P4HA3: variants seen among roughly 807,000 people sequenced by gnomAD.
P4HA3 encodes prolyl 4-hydroxylase subunit alpha-3.
A neutral mutation model predicts 66.7 loss-of-function variants in P4HA3; 60 were observed. That is an observed-to-expected ratio of 0.90 (90% CI 0.73 to 1.12). The LOEUF is 1.12. Ranked by LOEUF, P4HA3 falls within the 50% of genes most tolerant of loss-of-function variation. The pLI is 0.00. For missense variants in P4HA3, 683 were observed against 685.8 expected (o/e 1.00, Z 0.05); for synonymous variants, 263 against 274.6 (o/e 0.96, Z 0.42).
chr11:74,304,274 G>T lies in P4HA3; in HGVS notation c.339C>A (p.Ile113=). Residue 113 remains isoleucine (I), a synonymous_variant, in exon 2 of 13, where the codon ATC becomes ATA. Transcript: ENST00000331597. ...VVHSLEASEN[I]RALKDGYEKV... Reference sequence around the variant, plus strand: ...TCCAGCCCTCCTCCTCATTACCTCGGATGTTCTCACTGGCCTCCAGACTAT... The same window carrying T: ...TCCAGCCCTCCTCCTCATTACCTCGTATGTTCTCACTGGCCTCCAGACTAT... 1.2e-6 allele frequency: 2 copies of T among 1,613,562 alleles called. No individual in the cohort carries two copies. The highest frequency in any genetic ancestry group is 1.7e-6 in the Non-Finnish European group (2 of 1,179,750).
chr11:74,277,262 G>A, intron 8 of P4HA3, 118 bp from the exon 9 acceptor site: 3 of 1,317,268 alleles, frequency 2.3e-6, no homozygotes, highest in East Asian at 2.4e-5. Flanking sequence ...AAGGATGGAA[G>A]GAAGGAGGAA....
Position 74,311,494 on chromosome 11 carries a change from C to A in P4HA3, c.118G>T (p.Ala40Ser). The change falls in exon 1 of 13, where the codon GCC becomes TCC. Residue 40 changes from alanine to serine, a missense_variant. Transcript: ENST00000331597. ...AGCAGCCGGCGCTCGGGCGCCAGGG[C>A]GCGCGCCACGCTGGTCAGCGCCGAG... ...TFSALTSVAR[A>S]LAPERRLLGL... 6.5e-7 allele frequency: 1 copy of A among 1,533,996 alleles called. No individual in the cohort carries two copies. Among genetic ancestry groups the A allele is most frequent in the South Asian group, 1.2e-5 (1 of 83,456 alleles).
chr11:74,310,888 C>G (rs1474532664), intron 1 of P4HA3, among the ~76,000 whole-genome samples: 1 of 152,188 alleles, frequency 6.6e-6, no homozygotes, highest in Non-Finnish European at 1.5e-5. Flanking sequence ...TTCACGATCC[C>G]CCCTTGAAAG....
chr11:74,306,932 G>A (rs970640547), intron 1 of P4HA3, among the ~76,000 whole-genome samples: 1 of 152,170 alleles, frequency 6.6e-6, no homozygotes, highest in African/African-American at 2.4e-5. Flanking sequence ...AGCCTCCAGG[G>A]TGTGGGATCT....
intron 1 of P4HA3, among the ~76,000 whole-genome samples, chr11:74,307,700 G>T (rs1423570993): frequency 6.6e-6 from 1 of 152,178 alleles, no homozygotes; most frequent in Non-Finnish European, 1.5e-5. Flanking sequence ...AACAAATACT[G>T]CTGAGAATGG....
In P4HA3 at chr11:74,269,683, A is replaced by G. The variant is rs757762599; in HGVS notation, c.1436T>C (p.Ile479Thr). The G allele has an allele frequency of 1.2e-6, 2 of 1,614,034 alleles. No homozygotes were observed. The highest frequency in any genetic ancestry group is 2.2e-5 in the East Asian group (1 of 44,870). Residue 479 changes from isoleucine (I) to threonine (T), a missense_variant, in exon 11 of 13, where the codon ATC (isoleucine) becomes ACC (threonine). By Grantham distance (89) the Ile-to-Thr change is moderately conservative. Coordinates refer to ENST00000331597, the MANE Select transcript of P4HA3 (RefSeq NM_182904.5). ...CACAGGCACGCTGAGGTTGGCATAG[A>G]TGAAGGCTGTGGCTCCTCCAGCTTC... ...SVEAGGATAFIYANLSVPVVR... is the reference protein window; with the variant it reads ...SVEAGGATAFTYANLSVPVVR...
chr11:74,268,475 G>A (rs969409855), intron 11 of P4HA3, among the ~76,000 whole-genome samples: 34 of 152,326 alleles, frequency 2.2e-4, no homozygotes, highest in African/African-American at 6.5e-4. Context: ...GACAAATTAC[G>A]TCCAGTTCTG....
chr11:74,257,261 G>A (rs191491759), intron 15 of P4HA3, among the ~76,000 whole-genome samples: 109 of 152,164 alleles, frequency 7.2e-4, no homozygotes, highest in African/African-American at 2.5e-3. Context: ...AGTAGTTGGG[G>A]TTTCAGGTGC....
intron 15 of P4HA3, among the ~76,000 whole-genome samples, chr11:74,255,651 G>A (rs942111654): frequency 6.6e-6 from 1 of 152,186 alleles, no homozygotes; most frequent in African/African-American, 2.4e-5. Context: ...TTAATAAGTA[G>A]TTCCTGTTAT....
chr11:74,310,015 C>T (rs1861683830), intron 1 of P4HA3, among the ~76,000 whole-genome samples: 1 of 152,166 alleles, frequency 6.6e-6, no homozygotes, highest in Admixed American at 6.5e-5. Context: ...TCTCATGTCA[C>T]CCCAGAATCA....
At chr11:74,294,689 T>G (rs1861153973) in intron 4 of P4HA3, among the ~76,000 whole-genome samples, 1 of 152,218 alleles carries the variant, frequency 6.6e-6, no homozygotes, top group African/African-American at 2.4e-5. Context: ...TGCAGGTCTG[T>G]TGGAGTTTGC....
At chr11:74,299,856 T>C (rs1435777713) in intron 3 of P4HA3, among the ~76,000 whole-genome samples, 2 of 152,122 alleles carry the variant, frequency 1.3e-5, no homozygotes, top group Admixed American at 6.6e-5. Context: ...GAGCCATCCT[T>C]AGACCTGCCC....
chr11:74,305,125 G>C (rs1405157087), intron 1 of P4HA3, among the ~76,000 whole-genome samples: 1 of 152,064 alleles, frequency 6.6e-6, no homozygotes, highest in Non-Finnish European at 1.5e-5. Context: ...GCCATGGACT[G>C]GTACCGGTCC....
chr11:74,254,879 C>A (rs1859794380), intron 15 of P4HA3, among the ~76,000 whole-genome samples: 1 of 152,138 alleles, frequency 6.6e-6, no homozygotes, highest in Admixed American at 6.5e-5. Flanking sequence ...GTCAGAGCCA[C>A]CCTCCTCTGC....
In P4HA3 at chr11:74,269,636, C is replaced by G. The variant is rs774871403; in HGVS notation, c.1467+16G>C. 9.3e-6 allele frequency: 15 copies of G among 1,610,272 alleles called. No homozygotes were observed. The highest frequency in any genetic ancestry group is 3.3e-4 in the Middle Eastern group (2 of 6,026). ...ACTCCCTCAACCCCGTCTTCTGGGA[C>G]CAGGGCCCCACTCACCCTAACCACA... On this transcript the variant is annotated intron_variant, in intron 11 of 12. Coordinates refer to ENST00000331597, the MANE Select transcript of P4HA3 (RefSeq NM_182904.5).
rs1490282119 is a variant in P4HA3, at chr11:74,311,456, C to G, written c.156G>C (p.Arg52Ser). Residue 52 changes from arginine (R) to serine (S), a missense_variant, in exon 1 of 13, where the codon AGG becomes AGC. By Grantham distance (110) the Arg-to-Ser change is moderately radical. Coordinates refer to ENST00000331597, the MANE Select transcript of P4HA3 (RefSeq NM_182904.5). ...GCGCCTCCTCCCCGCGCAGGTACCG[C>G]CTCAGCAGCCCCAGCAGCCGGCGCT... Reference protein sequence around the residue: ...APERRLLGLLRRYLRGEEARL... With the variant: ...APERRLLGLLSRYLRGEEARL... 6.5e-7 allele frequency: 1 copy of G among 1,539,160 alleles called. No homozygotes were observed. Among genetic ancestry groups the G allele is most frequent in the African/African-American group, 1.4e-5 (1 of 71,904 alleles).
At chr11:74,260,840 C>T (rs983797076) in intron 14 of P4HA3, among the ~76,000 whole-genome samples, 11 of 152,070 alleles carry the variant, frequency 7.2e-5, no homozygotes, top group African/African-American at 2.4e-4. Flanking sequence ...ACATATGGAC[C>T]TCCTTATCCT....
intron 15 of P4HA3, among the ~76,000 whole-genome samples, chr11:74,257,175 A>G (rs1859844147): frequency 6.6e-6 from 1 of 152,080 alleles, no homozygotes; most frequent in Admixed American, 6.6e-5. Flanking sequence ...CCTAGGCTGG[A>G]GTGCAGCAGC....
At chr11:74,285,649 A>AT (rs555464827) in intron 7 of P4HA3, 160 bp downstream of exon 7, 44 of 719,362 alleles carry the variant, frequency 6.1e-5, no homozygotes, top group Middle Eastern at 4.1e-4. Flanking sequence ...CACTATTGTG[A>AT]TTTTTTTCCA....
Sources: gnomAD v4.1 joint callset for allele counts (sites outside exome capture counted in the v4.1 genomes callset) on GRCh38, gnomAD v4.1.1 for gene constraint, MANE v1.5 for transcripts, NCBI Gene and HGNC (gene_info 2026-07-23, HGNC 2026-07-21) for gene names.